ADGRE2: variants seen among roughly 807,000 people sequenced by gnomAD.
ADGRE2 encodes the protein CD97 antigen.
A neutral mutation model predicts 100.8 loss-of-function variants in ADGRE2; 83 were observed. The ratio of observed to expected loss-of-function variants is 0.82; its 90% CI spans 0.69 to 0.99. The LOEUF (loss-of-function observed/expected upper bound fraction) is 0.99. ADGRE2 is among the 50% of genes least tolerant of loss of function. The pLI is 0.00. For synonymous variants in ADGRE2, 355 were observed against 413.0 expected, an observed-to-expected ratio of 0.86 and a Z score of 1.70; for missense variants, 814 against 1,035.7, an observed-to-expected ratio of 0.79 and a Z score of 2.94.
chr19:14,748,862 T>C (rs1159841970), intron 16 of ADGRE2, among the ~76,000 whole-genome samples: 1 of 151,976 alleles, frequency 6.6e-6, no homozygotes, highest in African/African-American at 2.4e-5. Flanking sequence ...AAATCCCTTA[T>C]GAAAATGAAT....
Position 14,772,390 on chromosome 19 carries a change from C to T in ADGRE2, c.307G>A (p.Val103Ile), listed in dbSNP as rs61732003. The change falls in exon 5 of 21, where the codon GTT (valine) becomes ATT (isoleucine). Residue 103 changes from valine (V) to isoleucine (I), a missense_variant. By Grantham distance (29) the Val-to-Ile change is conservative. Transcript: ENST00000315576. ...DCVCSPGYEPVSGAKTFKNES... is the reference protein window; with the variant it reads ...DCVCSPGYEPISGAKTFKNES... ...TTCTTGAATGTTTTTGCCCCAGAAA[C>T]AGGCTCATATCCTGGGCTGCACACG... 184 of 1,614,110 alleles carry T rather than the reference C, an allele frequency of 1.1e-4. No individual in the cohort carries two copies. The African/African-American group carries it at 2.2e-3, about 19-fold the overall frequency.
the ADGRE2 span, among the ~76,000 whole-genome samples, chr19:14,726,590 C>T: frequency 2.6e-4 from 40 of 152,270 alleles, no homozygotes; most frequent in Admixed American, 1.4e-3. Context: ...TAGAAGCAGC[C>T]GTGCCTCTCC....
intron 20 of ADGRE2, chr19:14,741,900 A>G (rs1038964003): frequency 7.5e-6 from 3 of 397,586 alleles, no homozygotes; most frequent in African/African-American, 4.1e-5. Flanking sequence ...GAAAAATACA[A>G]CAGAACTTTG....
At chr19:14,740,110 A>T (rs1702934785) in intron 20 of ADGRE2, among the ~76,000 whole-genome samples, 1 of 151,882 alleles carries the variant, frequency 6.6e-6, no homozygotes, top group Admixed American at 6.6e-5. Context: ...GTCTAAAAAA[A>T]AAAAAAGAGG....
At chr19:14,775,061 G>A (rs59670438) in intron 2 of ADGRE2, among the ~76,000 whole-genome samples, 76,002 of 150,900 alleles carry the variant, frequency 0.5, 19,569 homozygotes, top group Middle Eastern at 0.59. Context: ...GGAATGCAGT[G>A]GTGCAATCTT....
chr19:14,739,995 G>A (rs922568888), intron 20 of ADGRE2, among the ~76,000 whole-genome samples: 2 of 151,992 alleles, frequency 1.3e-5, no homozygotes, highest in Non-Finnish European at 1.5e-5. Context: ...TAGCTACTCG[G>A]GAGGCTGAGG....
rs1193077580 is a variant in ADGRE2 at position 14,746,932 on chromosome 19, T to TA, written c.2054dup (p.Trp686MetfsTer34). ...CGCAGACAGGTCCAAGGAAGCCCCA[T>TA]ATAAATCCCTTTTCTGGTTGGAGCC... is the stretch of plus-strand genomic sequence containing the variant. On this transcript the variant is annotated frameshift_variant, in exon 17 of 21. Coordinates refer to ENST00000315576, the MANE Select transcript of ADGRE2 (RefSeq NM_013447.4). LOFTEE classifies it high-confidence loss of function. 1.2e-6 allele frequency: 2 copies of TA among 1,613,654 alleles called. No homozygotes were observed. The highest frequency in any genetic ancestry group is 1.7e-6 in the Non-Finnish European group (2 of 1,179,900).
chr19:14,752,916 C>T (rs1261153746), intron 14 of ADGRE2, among the ~76,000 whole-genome samples: 2 of 151,940 alleles, frequency 1.3e-5, no homozygotes, highest in Non-Finnish European at 2.9e-5. Context: ...GGATTACAGG[C>T]ACGTGCCTCC....
At chr19:14,731,361 C>T (rs1453300864), downstream of ADGRE2, 1 of 639,098 alleles carries the variant, frequency 1.6e-6, no homozygotes, top group African/African-American at 1.8e-5. Context: ...ATCCGGGCTC[C>T]TTAACTTCCG....
Position 14,743,758 on chromosome 19 carries a change from T to A in ADGRE2, c.2210A>T (p.Gln737Leu), listed in dbSNP as rs1160381596. ...TRMLAFKATA[Q>L]LFILGCTWCL... Reference sequence around the variant, plus strand: ...CCACGTGCAGCCCAGGATGAACAGCTGAGCTGTCGCTTTAAATGCCAGCAT... The same window carrying A: ...CCACGTGCAGCCCAGGATGAACAGCAGAGCTGTCGCTTTAAATGCCAGCAT... Residue 737 changes from glutamine (Q) to leucine (L), a missense_variant, in exon 19 of 21, where the codon CAG becomes CTG. Coordinates refer to ENST00000315576, the MANE Select transcript of ADGRE2 (RefSeq NM_013447.4). The A allele has an allele frequency of 1.9e-6, 3 of 1,614,168 alleles. No individual in the cohort carries two copies. Among genetic ancestry groups the A allele is most frequent in the Non-Finnish European group, 2.5e-6 (3 of 1,180,018 alleles).
intron 5 of ADGRE2, 150 bp from the exon 6 acceptor site, chr19:14,767,259 G>A: frequency 2.3e-6 from 3 of 1,292,688 alleles, no homozygotes. Flanking sequence ...TTTTTTTTGA[G>A]ACGGAGTCTT....
At chr19:14,731,230 T>C, downstream of ADGRE2, 1 of 1,523,318 alleles carries the variant, frequency 6.6e-7, no homozygotes. Flanking sequence ...CATGTTCAGA[T>C]CGCTAGAATC....
At chr19:14,761,222 C>T (rs2079606) in intron 11 of ADGRE2, among the ~76,000 whole-genome samples, 89,828 of 152,046 alleles carry the variant, frequency 0.59, 27,550 homozygotes, top group African/African-American at 0.74. Context: ...GTTAACATGG[C>T]GAAACCCTGT....
At position 14,733,161 on chromosome 19, in the gene ADGRE2, G is replaced by T. The variant is rs1295162341; in HGVS notation, c.*3075C>A. ...ATGTAATAAAAGGCAGATATTATGT[G>T]GTCTCTTGAACCAGCCTTAGGCATG... On this transcript the variant is annotated 3_prime_UTR_variant, in exon 21 of 21. Transcript: ENST00000315576. The T allele has an allele frequency of 6.6e-6, 1 of 152,136 alleles. No homozygotes were observed. Among genetic ancestry groups the T allele is most frequent in the African/African-American group, 2.4e-5 (1 of 41,408 alleles). The allele number at this position is 152,136 out of a possible 1,614,324, so 9.4% of individuals were successfully genotyped here. A position where few individuals can be genotyped will look rare whatever the true frequency, so the allele number is the denominator to read the frequency against.
chr19:14,727,300 T>C, the ADGRE2 span, among the ~76,000 whole-genome samples: 1 of 152,280 alleles, frequency 6.6e-6, no homozygotes, highest in Non-Finnish European at 1.5e-5. Flanking sequence ...AATGCTGGGA[T>C]TACAGGTGTG....
At chr19:14,763,025 T>C (rs902059588) in intron 11 of ADGRE2, among the ~76,000 whole-genome samples, 1 of 152,228 alleles carries the variant, frequency 6.6e-6, no homozygotes, top group Non-Finnish European at 1.5e-5. Flanking sequence ...TAATGCTATA[T>C]GCATTTTCAT....
rs2147269069 is a variant in ADGRE2, at chr19:14,755,060, C to G, written c.1484G>C (p.Trp495Ser). ...TATTGTGCTGCAGCCTGTGGTGGCC[C>G]AGTGACCACATCCATTCTGGCCATG... ...WEHGQNGCGH[W>S]ATTGCSTIGT... The change falls in exon 14 of 21, where the codon TGG (tryptophan) becomes TCG (serine). Residue 495 changes from tryptophan to serine, a missense_variant. Trp to Ser is a radical substitution (Grantham distance 177). This residue lies in a region of ADGRE2 where 569 missense variants were observed against 692.7 expected (regional missense o/e 0.82). Coordinates refer to ENST00000315576, the MANE Select transcript of ADGRE2 (RefSeq NM_013447.4). The G allele has an allele frequency of 6.2e-7, 1 of 1,614,036 alleles. No individual in the cohort carries two copies. The highest frequency in any genetic ancestry group is 2.2e-5 in the East Asian group (1 of 44,860).
intron 20 of ADGRE2, among the ~76,000 whole-genome samples, chr19:14,740,438 A>G (rs1345964321): frequency 1.3e-5 from 2 of 151,912 alleles, no homozygotes; most frequent in Non-Finnish European, 2.9e-5. Context: ...CCTGACCAAC[A>G]TGGAGAAATC....
chr19:14,747,934 C>G (rs1439929518), intron 16 of ADGRE2, among the ~76,000 whole-genome samples: 3 of 152,056 alleles, frequency 2.0e-5, no homozygotes, highest in African/African-American at 7.3e-5. Context: ...CAATTTTTGA[C>G]TATTCTAAAT....
Sources: allele counts gnomAD v4.1 joint callset (sites outside exome capture counted in the v4.1 genomes callset), GRCh38; gene constraint gnomAD v4.1.1; regional missense constraint gnomAD v4.1.1; transcripts MANE v1.5; gene names NCBI Gene and HGNC (gene_info 2026-07-23, HGNC 2026-07-21).